Variants in NETO1 observed in about 807,000 individuals in gnomAD.
NETO1 encodes neuropilin and tolloid like 1.
NETO1 carries 26 observed loss-of-function variants against 61.3 expected under a neutral mutation model. The ratio of observed to expected loss-of-function variants is 0.42; its 90% CI spans 0.31 to 0.59. NETO1 has a LOEUF of 0.59. Ranked by LOEUF, NETO1 falls within the 20% of genes least tolerant of loss-of-function variation. The pLI, the probability that NETO1 is intolerant of heterozygous loss-of-function variation, is 0.12. For missense variants in NETO1, 531 were observed against 662.8 expected (o/e 0.80, Z 2.18); for synonymous variants, 225 against 225.8 (o/e 1.00, Z 0.03).
At chr18:72,857,179 A>G (rs188460143) in intron 4 of NETO1, among the ~76,000 whole-genome samples, 11 of 152,344 alleles carry the variant, frequency 7.2e-5, no homozygotes, top group Admixed American at 5.2e-4. Context: ...TGATCTGAGT[A>G]AAAACAGAAG....
At chr18:72,784,469 C>T (rs1405485222) in intron 6 of NETO1, among the ~76,000 whole-genome samples, 1 of 151,998 alleles carries the variant, frequency 6.6e-6, no homozygotes, top group African/African-American at 2.4e-5. Flanking sequence ...TCCATTCATG[C>T]CATATATAGA....
rs191115828 is a variant in NETO1, at chr18:72,749,077, A to G, written c.1553T>C (p.Ile518Thr). The G allele has an allele frequency of 2.2e-5, 35 of 1,603,328 alleles. No homozygotes were observed. Among genetic ancestry groups the G allele is most frequent in the Admixed American group, 6.7e-5 (4 of 59,994 alleles). Reference sequence around the variant, plus strand: ...AGATTCATGTTTGCTTAGAGACCCAATGAGGCAGAACCTGGAATGTTATGG... The same window carrying G: ...AGATTCATGTTTGCTTAGAGACCCAGTGAGGCAGAACCTGGAATGTTATGG... ...HDKAVQRFCL[I>T]GSLSKHESEY... Residue 518 changes from isoleucine to threonine, a missense_variant, in exon 10 of 11, where the codon ATT becomes ACT. Physicochemically the swap from Ile to Thr is moderately conservative, Grantham distance 89 (BLOSUM62 -1). Transcript: ENST00000327305.
chr18:72,780,545 A>G (rs1392409963), intron 7 of NETO1, among the ~76,000 whole-genome samples: 1 of 152,086 alleles, frequency 6.6e-6, no homozygotes, highest in Non-Finnish European at 1.5e-5. Context: ...CTTTTCACCT[A>G]ACCTACACAG....
intron 7 of NETO1, among the ~76,000 whole-genome samples, chr18:72,768,849 C>A (rs1174970601): frequency 6.6e-6 from 1 of 152,168 alleles, no homozygotes; most frequent in Non-Finnish European, 1.5e-5. Context: ...CCCAGTAAAA[C>A]CTGTTTTAGG....
intron 4 of NETO1, among the ~76,000 whole-genome samples, chr18:72,833,506 C>T (rs546611516): frequency 2.0e-5 from 3 of 152,262 alleles, no homozygotes; most frequent in South Asian, 4.1e-4. Flanking sequence ...CATGCTTGCA[C>T]CATAATAATT....
At chr18:72,810,682 C>G (rs745356248) in intron 4 of NETO1, among the ~76,000 whole-genome samples, 1 of 152,172 alleles carries the variant, frequency 6.6e-6, no homozygotes, top group Non-Finnish European at 1.5e-5. Context: ...TAAGACACAG[C>G]TGTTTATGAG....
chr18:72,795,850 A>G (rs1203915789), intron 4 of NETO1, among the ~76,000 whole-genome samples: 1 of 152,162 alleles, frequency 6.6e-6, no homozygotes, highest in Non-Finnish European at 1.5e-5. Context: ...TGAACTTATT[A>G]TTCTTCCTGC....
At chr18:72,838,016 C>A (rs1046825545) in intron 4 of NETO1, among the ~76,000 whole-genome samples, 3 of 151,910 alleles carry the variant, frequency 2.0e-5, no homozygotes, top group Non-Finnish European at 4.4e-5. Context: ...CATCACCATC[C>A]CCTATGACAG....
chr18:72,805,807 AAAGC>A (rs1205513669), intron 4 of NETO1, among the ~76,000 whole-genome samples: 1 of 152,196 alleles, frequency 6.6e-6, no homozygotes, highest in Non-Finnish European at 1.5e-5. Context: ...GACGTAACCT[AAAGC>A]AATTTTATAT....
intron 7 of NETO1, among the ~76,000 whole-genome samples, chr18:72,758,952 T>G (rs77795154): frequency 0.013 from 1,926 of 152,310 alleles, 46 homozygotes; most frequent in African/African-American, 0.044. Context: ...TAATATTATA[T>G]TGGGTTCCGA....
intron 1 of NETO1, chr18:72,866,749 T>C (rs1032414652): frequency 3.0e-6 from 3 of 989,402 alleles, no homozygotes; most frequent in Non-Finnish European, 3.6e-6. Context: ...CACACACCCA[T>C]AAAGCGACAT....
At chr18:72,817,317 C>G (rs1373260064) in intron 4 of NETO1, among the ~76,000 whole-genome samples, 1 of 152,236 alleles carries the variant, frequency 6.6e-6, no homozygotes, top group Non-Finnish European at 1.5e-5. Flanking sequence ...TCAAGTCCCA[C>G]AGCCCACAGC....
chr18:72,757,339 C>A (rs367621303), intron 7 of NETO1, among the ~76,000 whole-genome samples: 3 of 152,042 alleles, frequency 2.0e-5, no homozygotes, highest in African/African-American at 7.2e-5. Context: ...CAAAACAATA[C>A]TTTGCAATTT....
At chr18:72,801,673 G>T (rs138167477) in intron 4 of NETO1, among the ~76,000 whole-genome samples, 2 of 152,200 alleles carry the variant, frequency 1.3e-5, no homozygotes, top group East Asian at 1.9e-4. Flanking sequence ...GTTTACTGAG[G>T]TTACACAGAA....
intron 4 of NETO1, among the ~76,000 whole-genome samples, chr18:72,839,702 G>T (rs1236153109): frequency 1.3e-5 from 2 of 152,168 alleles, no homozygotes; most frequent in Admixed American, 6.5e-5. Flanking sequence ...TATAGATAGA[G>T]TGTAAATAGA....
At chr18:72,751,215 A>C (rs927619145) in intron 8 of NETO1, among the ~76,000 whole-genome samples, 2 of 152,284 alleles carry the variant, frequency 1.3e-5, no homozygotes, top group South Asian at 4.1e-4. Context: ...TATTTTAAAA[A>C]CTCAACCAAT....
At chr18:72,835,209 A>C (rs898242103) in intron 4 of NETO1, 24 of 1,408,432 alleles carry the variant, frequency 1.7e-5, no homozygotes, top group Non-Finnish European at 2.3e-5. Context: ...GTGTGCTTCA[A>C]GATGGTGTTA....
chr18:72,823,382 G>A (rs190082018), intron 4 of NETO1, among the ~76,000 whole-genome samples: 8 of 152,154 alleles, frequency 5.3e-5, no homozygotes, highest in East Asian at 1.9e-4. Flanking sequence ...TTACATGAGC[G>A]GAGCAGGGGA....
chr18:72,752,840 A>G (rs2070667230), intron 8 of NETO1, among the ~76,000 whole-genome samples: 1 of 152,218 alleles, frequency 6.6e-6, no homozygotes, highest in African/African-American at 2.4e-5. Context: ...TGTAAAGTCT[A>G]GAATTGAACA....
Sources: allele counts gnomAD v4.1 joint callset (sites outside exome capture counted in the v4.1 genomes callset), GRCh38; gene constraint gnomAD v4.1.1; transcripts MANE v1.5; gene names NCBI Gene and HGNC (gene_info 2026-07-23, HGNC 2026-07-21).